The following TULP4 variants were observed in gnomAD, a reference collection of about 807,000 sequenced individuals.
TULP4 encodes TUB like protein 4.
Under a neutral mutation model 129.0 loss-of-function variants are expected in TULP4, and 16 were observed. The ratio of observed to expected loss-of-function variants is 0.12; its 90% CI spans 0.08 to 0.19. TULP4 has a LOEUF of 0.19. Ranked by LOEUF, TULP4 falls within the 10% of genes least tolerant of loss-of-function variation. The pLI is 1.00. For missense variants in TULP4, 1,842 were observed against 2,059.1 expected, an observed-to-expected ratio of 0.89 and a Z score of 2.04; for synonymous variants, 998 against 854.0, an observed-to-expected ratio of 1.17 and a Z score of -2.94.
chr6:158,406,580 A>C (rs1777982180), intron 1 of TULP4, among the ~76,000 whole-genome samples: 1 of 152,230 alleles, frequency 6.6e-6, no homozygotes, highest in Admixed American at 6.5e-5. Context: ...TGAATGCCTG[A>C]ATATGGTCAA....
At chr6:158,336,501 C>T (rs1018438604) in intron 1 of TULP4, among the ~76,000 whole-genome samples, 4 of 152,126 alleles carry the variant, frequency 2.6e-5, no homozygotes, top group African/African-American at 9.7e-5. Context: ...TCTTTTTCCA[C>T]ATGTAAGTGA....
At chr6:158,432,380 GGGGCTCTGAAC>G (rs1778650318) in intron 3 of TULP4, among the ~76,000 whole-genome samples, 1 of 152,148 alleles carries the variant, frequency 6.6e-6, no homozygotes, top group Non-Finnish European at 1.5e-5. Flanking sequence ...CTGCAGCTCA[GGGGCTCTGAAC>G]GGTGGACATG....
At chr6:158,447,946 G>T (rs1489349732) in intron 3 of TULP4, among the ~76,000 whole-genome samples, 1 of 152,214 alleles carries the variant, frequency 6.6e-6, no homozygotes, top group Non-Finnish European at 1.5e-5. Flanking sequence ...TGCAGAAACT[G>T]CAGAGACCAT....
At chr6:158,504,447 C>T (rs536328969) in intron 13 of TULP4, among the ~76,000 whole-genome samples, 43 of 151,580 alleles carry the variant, frequency 2.8e-4, no homozygotes, top group Non-Finnish European at 5.7e-4. Flanking sequence ...CCTGGGTTCA[C>T]GCCATTCTCC....
intron 1 of TULP4, among the ~76,000 whole-genome samples, chr6:158,239,468 C>G (rs1486544670): frequency 1.5e-5 from 1 of 67,986 alleles, no homozygotes; most frequent in Non-Finnish European, 3.3e-5. Flanking sequence ...GGGCTGACCC[C>G]CCCACCTCCC....
intron 1 of TULP4, among the ~76,000 whole-genome samples, chr6:158,319,801 G>A (rs1779584267): frequency 6.6e-6 from 1 of 152,146 alleles, no homozygotes; most frequent in South Asian, 2.1e-4. Flanking sequence ...TGTGTATTCT[G>A]TTGTTAGAAA....
chr6:158,472,083 C>G (rs1399776092), intron 6 of TULP4, among the ~76,000 whole-genome samples: 1 of 152,188 alleles, frequency 6.6e-6, no homozygotes, highest in Non-Finnish European at 1.5e-5. Flanking sequence ...AGTGCCAGCT[C>G]AGTCACGTTT....
intron 1 of TULP4, among the ~76,000 whole-genome samples, chr6:158,345,446 G>A (rs1780279652): frequency 6.6e-6 from 1 of 152,168 alleles, no homozygotes; most frequent in African/African-American, 2.4e-5. Flanking sequence ...TTTTCCCTAA[G>A]TGTCAGCCAG....
At chr6:158,397,564 TG>T (rs1383211986) in intron 1 of TULP4, among the ~76,000 whole-genome samples, 1 of 152,140 alleles carries the variant, frequency 6.6e-6, no homozygotes, top group Non-Finnish European at 1.5e-5. Context: ...GTGTTTTGTT[TG>T]TTTGTTTGTT....
chr6:158,403,611 G>A (rs1375838527), intron 1 of TULP4, among the ~76,000 whole-genome samples: 1 of 152,154 alleles, frequency 6.6e-6, no homozygotes, highest in Non-Finnish European at 1.5e-5. Context: ...AAAAGTAGAA[G>A]GAGCTGTTTC....
chr6:158,339,904 GA>G (rs1358059959), intron 1 of TULP4, among the ~76,000 whole-genome samples: 1 of 152,218 alleles, frequency 6.6e-6, no homozygotes, highest in African/African-American at 2.4e-5. Flanking sequence ...ACAGGCATAG[GA>G]AATCACAAGA....
At chr6:158,459,712 C>T (rs556835254) in intron 5 of TULP4, among the ~76,000 whole-genome samples, 1 of 152,166 alleles carries the variant, frequency 6.6e-6, no homozygotes, top group African/African-American at 2.4e-5. Flanking sequence ...AATTTCATGT[C>T]GTCATCTTTA....
Position 158,276,863 on chromosome 6 carries a change from C to G in TULP4, n.69-35188C>G, listed in dbSNP as rs543523598. Among the ~76,000 whole-genome samples, 9 of 152,118 alleles carry G rather than the reference C, an allele frequency of 5.9e-5. No homozygotes were observed. The South Asian group carries it at 1.9e-3, about 32-fold the overall frequency. Reference sequence around the variant, plus strand: ...TATTATGGAAATAGAGAAGGCCTAACTTATTAGAACCCACATGTTTGTTTG... The same window carrying G: ...TATTATGGAAATAGAGAAGGCCTAAGTTATTAGAACCCACATGTTTGTTTG... On this transcript the variant is annotated intron_variant and non_coding_transcript_variant, in intron 1 of 1. Coordinates refer to the TULP4 transcript ENST00000620026.
chr6:158,403,270 C>A (rs890402333), intron 1 of TULP4, among the ~76,000 whole-genome samples: 7 of 152,128 alleles, frequency 4.6e-5, no homozygotes, highest in African/African-American at 1.7e-4. Flanking sequence ...GTTCCCCTTC[C>A]CAAGCTGCAG....
chr6:158,474,684 G>A (rs1779775710), intron 6 of TULP4, among the ~76,000 whole-genome samples: 1 of 152,158 alleles, frequency 6.6e-6, no homozygotes, highest in Admixed American at 6.5e-5. Flanking sequence ...TGAGATACAG[G>A]TTGAGTACTC....
chr6:158,503,567 C>T lies in TULP4; in HGVS notation c.3904C>T (p.His1302Tyr). 6.2e-7 allele frequency: 1 copy of T among 1,614,004 alleles called. No homozygotes were observed. The highest frequency in any genetic ancestry group is 8.5e-7 in the Non-Finnish European group (1 of 1,180,004). Residue 1302 changes from histidine to tyrosine, a missense_variant, in exon 13 of 14, where the codon CAC becomes TAC. By Grantham distance (83) the His-to-Tyr change is moderately conservative. Around this residue, in one of 5 missense-constraint regions of TULP4, gnomAD observed 1,089 missense variants for 987.1 expected, o/e 1.10. Coordinates refer to ENST00000367097, the MANE Select transcript of TULP4 (RefSeq NM_020245.5). The surrounding 1 kb of genome is among the most constrained non-coding windows in gnomAD (Gnocchi z 4.3). ...CCCACCACCTGCCGACCTCCAAAGC[C>T]ACTTGGGCACAGAGGTGATGGTAGA... ...VSPPPADLQSHLGTEVMVETA... is the reference protein window; with the variant it reads ...VSPPPADLQSYLGTEVMVETA...
At chr6:158,469,199 G>C (rs1448299767) in intron 6 of TULP4, among the ~76,000 whole-genome samples, 1 of 152,022 alleles carries the variant, frequency 6.6e-6, no homozygotes, top group Non-Finnish European at 1.5e-5. Context: ...GAGACACAGA[G>C]TTCAGAGAGA....
chr6:158,275,190 G>T (rs62437158), intron 1 of TULP4, among the ~76,000 whole-genome samples: 1 of 152,180 alleles, frequency 6.6e-6, no homozygotes, highest in Non-Finnish European at 1.5e-5. Context: ...GAGCCCACGC[G>T]CTACAAGTGT....
At chr6:158,460,170 G>C (rs1340120516) in intron 5 of TULP4, among the ~76,000 whole-genome samples, 1 of 152,190 alleles carries the variant, frequency 6.6e-6, no homozygotes, top group African/African-American at 2.4e-5. Context: ...TGTCCCAGGA[G>C]ACACACTCTA....
Sources: gnomAD v4.1 joint callset for allele counts (sites outside exome capture counted in the v4.1 genomes callset) on GRCh38, gnomAD v4.1.1 for gene constraint, gnomAD v4.1.1 regional missense constraint, Gnocchi (gnomAD v3.1) non-coding constraint, MANE v1.5 for transcripts, NCBI Gene and HGNC (gene_info 2026-07-23, HGNC 2026-07-21) for gene names.